The following DTD2 variants were observed in gnomAD, a reference collection of about 807,000 sequenced individuals.
DTD2 encodes D-aminoacyl-tRNA deacylase 2, also known as D-tyrosyl-tRNA deacylase 2 (putative).
In DTD2, 12 loss-of-function variants were observed where a neutral mutation model predicts 15.5. That is an observed-to-expected ratio of 0.77 (90% CI 0.50 to 1.25). The LOEUF (loss-of-function observed/expected upper bound fraction) is 1.25. Among genes scored for constraint, DTD2 ranks in the 50% most tolerant of loss-of-function variants. The pLI is 0.00. For synonymous variants in DTD2, 59 were observed against 77.3 expected (o/e 0.76, Z 1.24); for missense variants, 170 against 201.1 (o/e 0.85, Z 0.93).
intron 1 of DTD2, 78 bp downstream of exon 1, chr14:31,457,205 C>T: frequency 1.5e-6 from 2 of 1,324,610 alleles, no homozygotes; most frequent in East Asian, 2.6e-5. Flanking sequence ...AGACACAGAG[C>T]GGACGAGTCA....
rs2031957219 is a variant in DTD2 at position 31,446,310 on chromosome 14, T to TTAG, written c.*1816_*1818dup. 6.7e-6 allele frequency: 1 copy of TTAG among 148,452 alleles called. No homozygotes were observed. The highest frequency in any genetic ancestry group is 2.5e-5 in the African/African-American group (1 of 40,416). The allele number at this position is 148,452 out of a possible 1,614,324, so 9.2% of individuals were successfully genotyped here. A position where few individuals can be genotyped will look rare whatever the true frequency, so the allele number is the denominator to read the frequency against. The stretch of plus-strand genomic sequence containing the variant: ...ATTTACCTTTTTTTGCCAATTAGAA[T>TTAG]TAGTTATTTGGTTTTTACTCTTAAA... On this transcript the variant is annotated 3_prime_UTR_variant, in exon 3 of 3. Transcript: ENST00000310850.
At chr14:31,455,705 C>T (rs924315066) in intron 1 of DTD2, among the ~76,000 whole-genome samples, 2 of 151,510 alleles carry the variant, frequency 1.3e-5, no homozygotes, top group Non-Finnish European at 2.9e-5. Context: ...CCTCAGCCTC[C>T]CGAGTAGCTG....
At position 31,457,450 on chromosome 14, in the gene DTD2, C is replaced by G; in HGVS notation, c.-57G>C. ...CTAGGCCATGTGTCGCTGGCCCCTC[C>G]CTCGACGCGCTGGCGGGGCAGACGA... On this transcript the variant is annotated 5_prime_UTR_variant, in exon 1 of 3. Coordinates refer to ENST00000310850, the MANE Select transcript of DTD2 (RefSeq NM_080664.3). 1 of 1,291,878 alleles carries G rather than the reference C, an allele frequency of 7.7e-7. No individual in the cohort carries two copies. The highest frequency in any genetic ancestry group is 1.0e-6 in the Non-Finnish European group (1 of 974,862). 80.0% of individuals were successfully genotyped at this position (1,291,878 alleles called of 1,614,324 possible). A position where few individuals can be genotyped will look rare whatever the true frequency, so the allele number is the denominator to read the frequency against.
intron 2 of DTD2, among the ~76,000 whole-genome samples, chr14:31,450,209 A>G (rs2032015176): frequency 6.6e-6 from 1 of 152,224 alleles, no homozygotes; most frequent in Admixed American, 6.5e-5. Context: ...TACTGGCTAT[A>G]ATTGAGATTT....
intron 2 of DTD2, among the ~76,000 whole-genome samples, chr14:31,449,919 A>G (rs2032010801): frequency 6.6e-6 from 1 of 152,238 alleles, no homozygotes; most frequent in Non-Finnish European, 1.5e-5. Flanking sequence ...CGAACACCCA[A>G]ATGAATTCCT....
chr14:31,448,266 TCA>T lies in DTD2; in HGVS notation c.368_369del (p.Val123AspfsTer4), dbSNP rs1289190613. On this transcript the variant is annotated frameshift_variant, in exon 3 of 3. Coordinates refer to ENST00000310850, the MANE Select transcript of DTD2 (RefSeq NM_080664.3). LOFTEE classifies it high-confidence loss of function. ...GCAGCTACTTCTTTTTCACATAGAG[TCA>T]CAAATTGAGAGTAAAGTTCAAACCC... is the stretch of plus-strand genomic sequence containing the variant. ...EEGFELYSQF[V>X]TLCEKEVAAN... is the part of the protein sequence containing the mutation. 2 of 1,614,110 alleles carry T rather than the reference TCA, an allele frequency of 1.2e-6. No individual in the cohort carries two copies. The highest frequency in any genetic ancestry group is 2.2e-5 in the South Asian group (2 of 91,084).
intron 1 of DTD2, 98 bp from the exon 2 acceptor site, chr14:31,453,442 T>A: frequency 1.0e-6 from 1 of 1,003,556 alleles, no homozygotes; most frequent in Non-Finnish European, 1.5e-6. Context: ...ATTATAGACA[T>A]AGAGGTTAAA....
intron 2 of DTD2, chr14:31,452,679 A>G (rs1271307056): frequency 6.6e-6 from 1 of 152,246 alleles, no homozygotes; most frequent in East Asian, 1.9e-4. Flanking sequence ...TAGGATGAAT[A>G]TGGCTAACTA....
At chr14:31,455,858 C>T (rs1442749787) in intron 1 of DTD2, among the ~76,000 whole-genome samples, 3 of 151,736 alleles carry the variant, frequency 2.0e-5, no homozygotes, top group African/African-American at 7.3e-5. Context: ...CTGGGATTAC[C>T]GCGCCTGGCA....
chr14:31,453,369 T>C (rs750377905), intron 1 of DTD2, 25 bp from the exon 2 acceptor site: 2 of 1,605,746 alleles, frequency 1.2e-6, no homozygotes, highest in Non-Finnish European at 1.7e-6. Context: ...CACAGTAAAC[T>C]CAGATTACAA....
intron 2 of DTD2, among the ~76,000 whole-genome samples, chr14:31,450,672 C>A (rs948025422): frequency 1.3e-5 from 2 of 152,036 alleles, no homozygotes; most frequent in African/African-American, 4.8e-5. Flanking sequence ...ACAACTCAAA[C>A]GAGTAGAATA....
intron 1 of DTD2, among the ~76,000 whole-genome samples, chr14:31,455,250 A>G (rs2139364073): frequency 6.6e-6 from 1 of 152,266 alleles, no homozygotes; most frequent in South Asian, 2.1e-4. Flanking sequence ...TCTGGATGCA[A>G]CTATAAAAAT....
chr14:31,449,556 A>G (rs2032005431), intron 2 of DTD2, among the ~76,000 whole-genome samples: 1 of 152,224 alleles, frequency 6.6e-6, no homozygotes, highest in Non-Finnish European at 1.5e-5. Context: ...TGTCGAAACC[A>G]CCATAAATAT....
Position 31,446,467 on chromosome 14 carries a change from G to A in DTD2, c.*1662C>T, listed in dbSNP as rs13176. On this transcript the variant is annotated 3_prime_UTR_variant, in exon 3 of 3. Coordinates refer to ENST00000310850, the MANE Select transcript of DTD2 (RefSeq NM_080664.3). Reference sequence around the variant, plus strand: ...CTTTGAAAAGTTTACCTTACTAGCTGTCTATCTTATATCACTGTCGTAGCT... The same window carrying A: ...CTTTGAAAAGTTTACCTTACTAGCTATCTATCTTATATCACTGTCGTAGCT... The A allele has an allele frequency of 0.47, 70,900 of 151,936 alleles. 16,629 individuals carry two copies. The highest frequency in any genetic ancestry group is 0.6 in the East Asian group (3,098 of 5,172). The allele number at this position is 151,936 out of a possible 1,614,324, so 9.4% of individuals were successfully genotyped here.
At chr14:31,449,177 G>C (rs2032000301) in intron 2 of DTD2, among the ~76,000 whole-genome samples, 1 of 152,238 alleles carries the variant, frequency 6.6e-6, no homozygotes, top group African/African-American at 2.4e-5. Flanking sequence ...ACAGGCGTGA[G>C]CCACCACGCC....
chr14:31,451,437 C>T (rs563309206), intron 2 of DTD2, among the ~76,000 whole-genome samples: 10 of 145,578 alleles, frequency 6.9e-5, no homozygotes, highest in African/African-American at 2.2e-4. Flanking sequence ...CGTGAGCCAC[C>T]GCGCCTGGCC....
chr14:31,455,386 G>T (rs534252734), intron 1 of DTD2, among the ~76,000 whole-genome samples: 1 of 151,374 alleles, frequency 6.6e-6, no homozygotes, highest in East Asian at 2.0e-4. Context: ...TCCGTCTCTA[G>T]TAAAAATACA....
rs188318732 is a variant in DTD2, at chr14:31,456,331, A to G, written c.111+952T>C. ...AACCCGGGAGGCGGAGGTTGCAGTG[A>G]GCCGAGATCGTGCCACTGCACTCCA... is the stretch of plus-strand genomic sequence containing the variant. On this transcript the variant is annotated intron_variant, in intron 1 of 2. Coordinates refer to ENST00000310850, the MANE Select transcript of DTD2 (RefSeq NM_080664.3). Among the ~76,000 whole-genome samples the G allele has an allele frequency of 2.9e-3, 449 of 152,346 alleles. 1 individual carries two copies. Among genetic ancestry groups the G allele is most frequent in the African/African-American group, 0.01 (427 of 41,584 alleles).
At chr14:31,448,683 T>C (rs866865729) in intron 2 of DTD2, among the ~76,000 whole-genome samples, 1 of 152,206 alleles carries the variant, frequency 6.6e-6, no homozygotes, top group African/African-American at 2.4e-5. Context: ...TAAATCTGAA[T>C]TGGCAGTTAA....
Sources: gnomAD v4.1 joint callset for allele counts (sites outside exome capture counted in the v4.1 genomes callset) on GRCh38, gnomAD v4.1.1 for gene constraint, MANE v1.5 for transcripts, NCBI Gene and HGNC (gene_info 2026-07-23, HGNC 2026-07-21) for gene names.